The following PPP3R1 variants were observed in gnomAD, a reference collection of about 807,000 sequenced individuals.
PPP3R1 encodes the protein protein phosphatase 3 regulatory subunit B, alpha, also known as calcineurin subunit B type 1.
Under a neutral mutation model 22.6 loss-of-function variants are expected in PPP3R1, and 5 were observed. The ratio of observed to expected loss-of-function variants is 0.22; its 90% CI spans 0.12 to 0.46. The LOEUF (loss-of-function observed/expected upper bound fraction) is 0.46. Among genes scored for constraint, PPP3R1 ranks in the 20% least tolerant of loss-of-function variants. PPP3R1 has a pLI of 0.99. For synonymous variants in PPP3R1, 56 were observed against 65.2 expected (o/e 0.86, Z 0.68); for missense variants, 61 against 203.2 (o/e 0.30, Z 4.25).
chr2:68,240,899 C>T (rs935306530), intron 1 of PPP3R1, among the ~76,000 whole-genome samples: 9 of 152,112 alleles, frequency 5.9e-5, no homozygotes, highest in Admixed American at 5.2e-4. Flanking sequence ...ACATCAAAGG[C>T]TGGAAACAGA....
chr2:68,229,248 G>A (rs1669843328), intron 1 of PPP3R1, among the ~76,000 whole-genome samples: 1 of 151,556 alleles, frequency 6.6e-6, no homozygotes, highest in African/African-American at 2.4e-5. Flanking sequence ...CTGGCCTCAT[G>A]CAATCCTCCC....
chr2:68,191,166 G>A (rs562276709), intron 2 of PPP3R1, among the ~76,000 whole-genome samples: 1 of 152,154 alleles, frequency 6.6e-6, no homozygotes, highest in African/African-American at 2.4e-5. Flanking sequence ...TTAACGATGG[G>A]GTTACACTGA....
intron 1 of PPP3R1, among the ~76,000 whole-genome samples, chr2:68,238,037 T>C (rs978830913): frequency 6.6e-5 from 10 of 152,130 alleles, no homozygotes; most frequent in Non-Finnish European, 5.9e-5. Context: ...TTACAATCAA[T>C]AGCAGTTTCC....
chr2:68,195,687 T>C (rs547037128), intron 2 of PPP3R1, among the ~76,000 whole-genome samples: 127 of 152,280 alleles, frequency 8.3e-4, no homozygotes, highest in Non-Finnish European at 1.3e-3. Flanking sequence ...GGGATGCTCC[T>C]GTAAAAAAAA....
chr2:68,242,764 T>C (rs1416718746), intron 1 of PPP3R1, among the ~76,000 whole-genome samples: 1 of 152,218 alleles, frequency 6.6e-6, no homozygotes, highest in Non-Finnish European at 1.5e-5. Context: ...AAATAGGGGC[T>C]TGCTTATGGC....
chr2:68,220,042 C>T (rs1462191382), intron 1 of PPP3R1, among the ~76,000 whole-genome samples: 1 of 152,094 alleles, frequency 6.6e-6, no homozygotes, highest in East Asian at 1.9e-4. Flanking sequence ...ACTAGTAAAT[C>T]AGAAAAATTT....
chr2:68,222,172 A>G (rs1378063345), intron 1 of PPP3R1, among the ~76,000 whole-genome samples: 3 of 152,240 alleles, frequency 2.0e-5, no homozygotes, highest in Non-Finnish European at 4.4e-5. Context: ...ATATGACAAC[A>G]GCACAAAAGG....
intron 2 of PPP3R1, among the ~76,000 whole-genome samples, chr2:68,211,466 G>T (rs1275290425): frequency 6.6e-6 from 1 of 150,894 alleles, no homozygotes; most frequent in Non-Finnish European, 1.5e-5. Context: ...TGAGCTTTCA[G>T]TGAGTTGTAA....
intron 2 of PPP3R1, among the ~76,000 whole-genome samples, chr2:68,216,515 GTCCA>G (rs1669583533): frequency 2.0e-5 from 3 of 151,944 alleles, no homozygotes. Context: ...TGTGTGCCTT[GTCCA>G]TCTCTTCTTC....
intron 1 of PPP3R1, among the ~76,000 whole-genome samples, chr2:68,239,800 G>A (rs2103806365): frequency 6.6e-6 from 1 of 152,292 alleles, no homozygotes; most frequent in South Asian, 2.1e-4. Flanking sequence ...TTTGGCCTCA[G>A]GATGCCTCTG....
chr2:68,202,215 T>G (rs1010982121), intron 2 of PPP3R1, among the ~76,000 whole-genome samples: 2 of 152,204 alleles, frequency 1.3e-5, no homozygotes, highest in Admixed American at 6.5e-5. Flanking sequence ...GTTACGCAGA[T>G]AGCTAGACTT....
In PPP3R1 at chr2:68,252,286, C is replaced by G; in HGVS notation, c.-159G>C. On this transcript the variant is annotated 5_prime_UTR_variant, in exon 1 of 6. Coordinates refer to ENST00000234310, the MANE Select transcript of PPP3R1 (RefSeq NM_000945.4). ...GGAGGGGAGGCGGCGCCGCGGGGCCCGCGCCGGCCGGGCGATTGGGCACGC... is the reference window on the plus strand; with the variant it reads ...GGAGGGGAGGCGGCGCCGCGGGGCCGGCGCCGGCCGGGCGATTGGGCACGC... The G allele has an allele frequency of 9.7e-7, 1 of 1,031,910 alleles. No individual in the cohort carries two copies. Among genetic ancestry groups the G allele is most frequent in the Non-Finnish European group, 1.2e-6 (1 of 862,018 alleles). The allele number at this position is 1,031,910 out of a possible 1,614,324, so 63.9% of individuals were successfully genotyped here. A position where few individuals can be genotyped will look rare whatever the true frequency, so the allele number is the denominator to read the frequency against.
intron 2 of PPP3R1, among the ~76,000 whole-genome samples, chr2:68,193,450 G>A (rs1463800143): frequency 6.6e-6 from 1 of 152,066 alleles, no homozygotes; most frequent in Non-Finnish European, 1.5e-5. Flanking sequence ...TTACAATCTA[G>A]TCGAGGCTGA....
At chr2:68,206,808 C>T (rs1675136118) in intron 2 of PPP3R1, among the ~76,000 whole-genome samples, 1 of 152,096 alleles carries the variant, frequency 6.6e-6, no homozygotes, top group African/African-American at 2.4e-5. Flanking sequence ...GGAAAGAATA[C>T]AGTATGTTAC....
chr2:68,202,678 G>T (rs1295166093), intron 2 of PPP3R1, among the ~76,000 whole-genome samples: 1 of 151,822 alleles, frequency 6.6e-6, no homozygotes, highest in Non-Finnish European at 1.5e-5. Flanking sequence ...ACTTGCCTCG[G>T]TCTCCCAAAG....
chr2:68,216,423 A>T (rs2103770000), intron 2 of PPP3R1, among the ~76,000 whole-genome samples: 1 of 152,174 alleles, frequency 6.6e-6, no homozygotes, highest in Non-Finnish European at 1.5e-5. Context: ...CTAAAATGTG[A>T]AAAACAAAAA....
At chr2:68,219,605 A>C (rs990127660) in intron 1 of PPP3R1, among the ~76,000 whole-genome samples, 1 of 152,206 alleles carries the variant, frequency 6.6e-6, no homozygotes, top group Admixed American at 6.5e-5. Flanking sequence ...TATCAGACTT[A>C]ACTGGAAAAA....
intron 2 of PPP3R1, among the ~76,000 whole-genome samples, chr2:68,202,331 G>C (rs2103747094): frequency 6.6e-6 from 1 of 152,294 alleles, no homozygotes; most frequent in African/African-American, 2.4e-5. Context: ...AAATTTCTTA[G>C]TGCTGCCACA....
At chr2:68,222,011 C>A (rs749975505) in intron 1 of PPP3R1, among the ~76,000 whole-genome samples, 27 of 151,374 alleles carry the variant, frequency 1.8e-4, no homozygotes, top group Non-Finnish European at 3.4e-4. Context: ...AAAAATGATA[C>A]CAGATGGAAA....
Sources: gnomAD v4.1 joint callset for allele counts (sites outside exome capture counted in the v4.1 genomes callset) on GRCh38, gnomAD v4.1.1 for gene constraint, MANE v1.5 for transcripts, NCBI Gene and HGNC (gene_info 2026-07-23, HGNC 2026-07-21) for gene names.